GYS1: variants seen among roughly 807,000 people sequenced by gnomAD.
GYS1 encodes the protein glycogen [starch] synthase, muscle.
A neutral mutation model predicts 89.1 loss-of-function variants in GYS1; 60 were observed. The observed-to-expected ratio is 0.67, with a 90% CI of 0.55 to 0.84. The LOEUF (loss-of-function observed/expected upper bound fraction) is 0.84. Ranked by LOEUF, GYS1 falls within the 40% of genes least tolerant of loss-of-function variation. The pLI, the probability that GYS1 is intolerant of heterozygous loss-of-function variation, is 0.00. For missense variants in GYS1, 888 were observed against 1,003.1 expected, an observed-to-expected ratio of 0.89 and a Z score of 1.55; for synonymous variants, 366 against 401.7, an observed-to-expected ratio of 0.91 and a Z score of 1.06.
rs185366453 is a variant in GYS1 at position 48,968,918 on chromosome 19, T to G, written c.*370A>C. On this transcript the variant is annotated 3_prime_UTR_variant, in exon 16 of 16. Transcript: ENST00000323798. ...GTGGCCTGCTCTGTATGCTGTAGAA[T>G]TTGTAAGCCACACGGGGGGCTCTAA... The G allele has an allele frequency of 1.7e-4, 83 of 495,516 alleles. No individual in the cohort carries two copies. In the East Asian group the frequency reaches 4.3e-3, roughly 26 times the overall value. The allele number at this position is 495,516 out of a possible 1,614,324, so 30.7% of individuals were successfully genotyped here. A position where few individuals can be genotyped will look rare whatever the true frequency, so the allele number is the denominator to read the frequency against.
chr19:48,969,782 G>C lies in GYS1; in HGVS notation c.1883C>G (p.Ala628Gly). Residue 628 changes from alanine to glycine, a missense_variant, in exon 15 of 16, where the codon GCG becomes GGG. By Grantham distance (60) the Ala-to-Gly change is moderately conservative. Coordinates refer to ENST00000323798, the MANE Select transcript of GYS1 (RefSeq NM_002103.5). ...PEHFTYEPNE[A>G]DAAQGYRYPR... ...AATCCAGGGTCCACTCACCGCATCC[G>C]CCTCGTTGGGCTCGTAGGTGAAGTG... is the stretch of plus-strand genomic sequence containing the variant. The C allele has an allele frequency of 6.2e-7, 1 of 1,613,602 alleles. No individual in the cohort carries two copies. The highest frequency in any genetic ancestry group is 8.5e-7 in the Non-Finnish European group (1 of 1,179,640).
Position 48,981,516 on chromosome 19 carries a change from C to T in GYS1, c.1169+14G>A, listed in dbSNP as rs772135585. The T allele has an allele frequency of 2.7e-5, 40 of 1,487,074 alleles. No homozygotes were observed. The highest frequency in any genetic ancestry group is 3.7e-5 in the Non-Finnish European group (39 of 1,064,006). The allele number at this position is 1,487,074 out of a possible 1,614,324, so 92.1% of individuals were successfully genotyped here. On this transcript the variant is annotated intron_variant, in intron 8 of 15. Transcript: ENST00000323798. ...GAGTGGGCTGCGCCAGGGGCCGGAG[C>T]GAGGGCTGCTAACCAAAGCTGTTTG...
chr19:48,985,311 A>T, intron 5 of GYS1, 150 bp downstream of exon 5: 2 of 765,232 alleles, frequency 2.6e-6, no homozygotes, highest in Non-Finnish European at 4.4e-6. Context: ...TGCTGAGATT[A>T]CAGGTGTGAG....
Position 48,970,555 on chromosome 19 carries a change from G to C in GYS1, c.1800C>G (p.Tyr600Ter). The C allele has an allele frequency of 6.2e-7, 1 of 1,613,548 alleles. No individual in the cohort carries two copies. Among genetic ancestry groups the C allele is most frequent in the Non-Finnish European group, 8.5e-7 (1 of 1,179,766 alleles). The change falls in exon 14 of 16, where the codon TAC (tyrosine) becomes TAG (stop). Residue 600 changes from tyrosine (Y) to a stop codon, truncating the protein, a stop_gained. Transcript: ENST00000323798. LOFTEE classifies it high-confidence loss of function. ...AAAGTGGGGGTCCTACCCGGCCTAG[G>C]TATTTCCAGTCCAGAAGGTCGGAGA... ...ERLSDLLDWK[Y>*]LGRYYMSARH... is the part of the protein sequence containing the mutation.
Position 48,985,620 on chromosome 19 carries a change from AC to A in GYS1, c.679-16del, listed in dbSNP as rs755898154. 22 of 1,613,660 alleles carry A rather than the reference AC, an allele frequency of 1.4e-5. No individual in the cohort carries two copies. Among genetic ancestry groups the A allele is most frequent in the South Asian group, 6.6e-5 (6 of 91,080 alleles). The stretch of plus-strand genomic sequence containing the variant: ...TCCACGTTGAACTGGGTGGGAGGGG[AC>A]AGCAGTCCGGTTAGAAGGATTGGGG... On this transcript the variant is annotated splice_polypyrimidine_tract_variant and intron_variant, in intron 4 of 15. Coordinates refer to ENST00000323798, the MANE Select transcript of GYS1 (RefSeq NM_002103.5).
intron 7 of GYS1, 33 bp downstream of exon 7, chr19:48,982,222 G>A: frequency 6.2e-7 from 1 of 1,610,428 alleles, no homozygotes; most frequent in Non-Finnish European, 8.5e-7. Flanking sequence ...TGCTTTGCTT[G>A]CCCTCCCTGT....
intron 10 of GYS1, among the ~76,000 whole-genome samples, chr19:48,976,705 A>G (rs1422178598): frequency 2.0e-5 from 3 of 152,044 alleles, no homozygotes; most frequent in Non-Finnish European, 4.4e-5. Context: ...AGGCCCAAGG[A>G]GAGCTGAGAG....
At chr19:48,985,668 C>T in intron 4 of GYS1, 63 bp from the exon 5 acceptor site, 1 of 1,588,290 alleles carries the variant, frequency 6.3e-7, no homozygotes, top group Non-Finnish European at 8.6e-7. Flanking sequence ...GAGGTCCAGA[C>T]ACTGGGGTCC....
chr19:48,986,985 C>T (rs576483135), intron 3 of GYS1, among the ~76,000 whole-genome samples: 35 of 152,306 alleles, frequency 2.3e-4, no homozygotes, highest in African/African-American at 7.9e-4. Context: ...CCAAGAATCC[C>T]TATGCTTGGA....
intron 5 of GYS1, among the ~76,000 whole-genome samples, chr19:48,983,712 G>A (rs552036491): frequency 3.9e-4 from 60 of 152,104 alleles, no homozygotes; most frequent in African/African-American, 1.4e-3. Context: ...GATACTAAGG[G>A]CTGGGAAGAA....
intron 12 of GYS1, among the ~76,000 whole-genome samples, chr19:48,973,036 C>A (rs973762631): frequency 6.6e-6 from 1 of 152,114 alleles, no homozygotes; most frequent in Non-Finnish European, 1.5e-5. Flanking sequence ...GTGTTCCCCC[C>A]CAAATTTCAT....
intron 5 of GYS1, among the ~76,000 whole-genome samples, chr19:48,984,660 T>C (rs902658796): frequency 5.3e-4 from 81 of 152,016 alleles, no homozygotes; most frequent in African/African-American, 1.9e-3. Flanking sequence ...TCCCAAAGTG[T>C]TGGGATTACA....
chr19:48,992,231 C>G (rs1401963184), intron 1 of GYS1, among the ~76,000 whole-genome samples: 4 of 152,150 alleles, frequency 2.6e-5, no homozygotes, highest in Admixed American at 6.5e-5. Flanking sequence ...CCAGACCCTG[C>G]TCTTTGAGGT....
At chr19:48,980,270 G>A (rs1355238242) in intron 8 of GYS1, among the ~76,000 whole-genome samples, 1 of 152,104 alleles carries the variant, frequency 6.6e-6, no homozygotes, top group Admixed American at 6.6e-5. Context: ...AGTGTGGCCT[G>A]TCCTGACAAC....
Position 48,969,554 on chromosome 19 carries a change from G to A in GYS1, c.1948C>T (p.Arg650Ter). 23 of 1,540,116 alleles carry A rather than the reference G, an allele frequency of 1.5e-5. No individual in the cohort carries two copies. Among genetic ancestry groups the A allele is most frequent in the Non-Finnish European group, 2.0e-5 (23 of 1,146,890 alleles). Residue 650 changes from arginine (R) to a stop codon, truncating the protein, a stop_gained, in exon 16 of 16, where the codon CGA becomes TGA. Transcript: ENST00000323798. LOFTEE classifies it high-confidence loss of function. Reference sequence around the variant, plus strand: ...TCACTCTGGTGCGGGCTGGAGTGTCGTGACAGCGAGGGCGACGGTGGCACC... The same window carrying A: ...TCACTCTGGTGCGGGCTGGAGTGTCATGACAGCGAGGGCGACGGTGGCACC... ...ASVPPSPSLS[R>*]HSSPHQSEDE...
In GYS1 at chr19:48,969,783, C is replaced by T; in HGVS notation, c.1882G>A (p.Ala628Thr). ...PEHFTYEPNE[A>T]DAAQGYRYPR... is the part of the protein sequence containing the mutation. The stretch of plus-strand genomic sequence containing the variant: ...ATCCAGGGTCCACTCACCGCATCCG[C>T]CTCGTTGGGCTCGTAGGTGAAGTGC... The change falls in exon 15 of 16, where the codon GCG (alanine) becomes ACG (threonine). Residue 628 changes from alanine (A) to threonine (T), a missense_variant. Coordinates refer to ENST00000323798, the MANE Select transcript of GYS1 (RefSeq NM_002103.5). The T allele has an allele frequency of 1.2e-6, 2 of 1,613,916 alleles. No individual in the cohort carries two copies. Among genetic ancestry groups the T allele is most frequent in the Non-Finnish European group, 8.5e-7 (1 of 1,179,880 alleles).
intron 2 of GYS1, among the ~76,000 whole-genome samples, chr19:48,990,880 C>T (rs989997146): frequency 6.6e-6 from 1 of 152,192 alleles, no homozygotes. Context: ...CTGCAACCTC[C>T]GCCTCCCGGG....
chr19:48,971,847 C>T (rs1233634564), intron 12 of GYS1, among the ~76,000 whole-genome samples: 1 of 150,102 alleles, frequency 6.7e-6, no homozygotes, highest in Admixed American at 6.7e-5. Flanking sequence ...TGAGCCACTG[C>T]GCCTGGCCCA....
Position 48,991,579 on chromosome 19 carries a change from C to T in GYS1, c.119-96G>A, listed in dbSNP as rs2038929179. The stretch of plus-strand genomic sequence containing the variant: ...CCGGGGATGTAGGGGGCACTCAGGC[C>T]CCAGACCTCTAGCTCAGGGGGAAGA... On this transcript the variant is annotated intron_variant, in intron 1 of 15. Transcript: ENST00000323798. The surrounding 1 kb of genome is among the most constrained non-coding windows in gnomAD (Gnocchi z 4.7). The T allele has an allele frequency of 1.5e-6, 2 of 1,332,814 alleles. No homozygotes were observed. The highest frequency in any genetic ancestry group is 2.9e-5 in the African/African-American group (2 of 69,788). 82.6% of individuals were successfully genotyped at this position (1,332,814 alleles called of 1,614,324 possible).
Sources: allele counts gnomAD v4.1 joint callset (sites outside exome capture counted in the v4.1 genomes callset), GRCh38; gene constraint gnomAD v4.1.1; non-coding constraint Gnocchi (gnomAD v3.1); transcripts MANE v1.5; gene names NCBI Gene and HGNC (gene_info 2026-07-23, HGNC 2026-07-21).